The following CCNYL1 variants were observed in gnomAD, a reference collection of about 807,000 sequenced individuals.
The protein encoded by CCNYL1 is cyclin Y like 1.
A neutral mutation model predicts 44.2 loss-of-function variants in CCNYL1; 16 were observed. The observed-to-expected ratio is 0.36, with a 90% confidence interval of 0.25 to 0.55. The LOEUF is 0.55. Among genes scored for constraint, CCNYL1 ranks in the 20% least tolerant of loss-of-function variants. CCNYL1 has a pLI of 0.85. For synonymous variants in CCNYL1, 159 were observed against 163.2 expected, an observed-to-expected ratio of 0.97 and a Z score of 0.20; for missense variants, 348 against 451.8, an observed-to-expected ratio of 0.77 and a Z score of 2.08.
chr2:207,714,934 A>G (rs932148528), intron 1 of CCNYL1: 1 of 152,214 alleles, frequency 6.6e-6, no homozygotes, highest in African/African-American at 2.4e-5. Context: ...ATTTCAGACA[A>G]TTTTATATCA....
chr2:207,746,976 A>AG, intron 7 of CCNYL1, 71 bp from the exon 8 acceptor site: 4 of 207,330 alleles, frequency 1.9e-5, no homozygotes, highest in Non-Finnish European at 3.2e-5. Flanking sequence ...ACTCCGTCTC[A>AG]AAAAAAAAAA....
In CCNYL1 at chr2:207,714,475, A is replaced by G. The variant is rs577868693; in HGVS notation, c.220+2359A>G. ...TCTTGCCTGGCTCCATCTTATGTCT[A>G]TACATTCATTTCAGTGGATAAGAAT... is the stretch of plus-strand genomic sequence containing the variant. On this transcript the variant is annotated intron_variant, in intron 1 of 9. Coordinates refer to ENST00000295414, the MANE Select transcript of CCNYL1 (RefSeq NM_001330218.2). The G allele has an allele frequency of 5.1e-4, 176 of 347,098 alleles. 1 individual carries two copies. The highest frequency in any genetic ancestry group is 3.9e-3 in the South Asian group (174 of 44,644). 21.5% of individuals were successfully genotyped at this position (347,098 alleles called of 1,614,324 possible).
chr2:207,751,598 T>G (rs1009855295), intron 9 of CCNYL1, among the ~76,000 whole-genome samples: 1 of 152,110 alleles, frequency 6.6e-6, no homozygotes, highest in Non-Finnish European at 1.5e-5. Flanking sequence ...CTTACGCCTG[T>G]AAGCCCAGCA....
chr2:207,713,419 T>C (rs970516533), intron 1 of CCNYL1, among the ~76,000 whole-genome samples: 9 of 152,158 alleles, frequency 5.9e-5, no homozygotes, highest in Non-Finnish European at 1.0e-4. Flanking sequence ...AAGATGAGAA[T>C]GTTGGGGTTC....
intron 2 of CCNYL1, among the ~76,000 whole-genome samples, chr2:207,726,364 G>C (rs1039283305): frequency 1.3e-5 from 2 of 152,182 alleles, no homozygotes; most frequent in African/African-American, 4.8e-5. Flanking sequence ...CATACTAGTA[G>C]ATGACCAGTA....
chr2:207,728,712 G>GT (rs2091698972), intron 3 of CCNYL1, among the ~76,000 whole-genome samples: 1 of 152,190 alleles, frequency 6.6e-6, no homozygotes, highest in Admixed American at 6.5e-5. Context: ...CATGTAACCA[G>GT]TTTTTACATG....
At chr2:207,724,770 G>C (rs1233139252) in intron 1 of CCNYL1, 30 bp from the exon 2 acceptor site, 1 of 1,503,042 alleles carries the variant, frequency 6.7e-7, no homozygotes, top group Non-Finnish European at 9.3e-7. Flanking sequence ...CTCACCTAAA[G>C]TGTCACGTCT....
chr2:207,743,410 A>T (rs552132169), intron 7 of CCNYL1, among the ~76,000 whole-genome samples: 2 of 152,200 alleles, frequency 1.3e-5, no homozygotes, highest in Non-Finnish European at 2.9e-5. Context: ...GAGGTAAGGA[A>T]TGAAGAGTTA....
chr2:207,721,734 GT>G (rs59024332), intron 1 of CCNYL1, among the ~76,000 whole-genome samples: 24,531 of 140,988 alleles, frequency 0.17, 2,792 homozygotes, highest in African/African-American at 0.39. Flanking sequence ...GGAGTTTTTT[GT>G]TTTTTTTTTT....
At chr2:207,727,026 A>G in intron 3 of CCNYL1, 150 bp downstream of exon 3, 1 of 512,966 alleles carries the variant, frequency 1.9e-6, no homozygotes, top group Non-Finnish European at 3.4e-6. Context: ...GCTGAGAATC[A>G]GATTTATGCA....
At chr2:207,753,142 C>T (rs894729061) in intron 9 of CCNYL1, among the ~76,000 whole-genome samples, 8 of 152,206 alleles carry the variant, frequency 5.3e-5, no homozygotes, top group Admixed American at 2.0e-4. Flanking sequence ...CAGTATAGTC[C>T]AGCACACACC....
chr2:207,737,330 C>G, intron 4 of CCNYL1, 81 bp from the exon 5 acceptor site: 1 of 1,049,180 alleles, frequency 9.5e-7, no homozygotes, highest in Non-Finnish European at 1.5e-6. Flanking sequence ...GGGTTCCTCC[C>G]TTCCCTCATT....
At chr2:207,715,824 G>A (rs1206767210) in intron 1 of CCNYL1, among the ~76,000 whole-genome samples, 1 of 149,512 alleles carries the variant, frequency 6.7e-6, no homozygotes, top group African/African-American at 2.5e-5. Context: ...TTACAGGTGT[G>A]TGCCACCACG....
rs1047938158 is a variant in CCNYL1 at position 207,750,820 on chromosome 2, A to T, written c.807-137A>T. The T allele has an allele frequency of 2.7e-5, 18 of 678,286 alleles. No homozygotes were observed. In the African/African-American group the frequency reaches 3.1e-4, roughly 12 times the overall value. 42.0% of individuals were successfully genotyped at this position (678,286 alleles called of 1,614,324 possible). ...AACTGTACCTTATGTGAACATTAGT[A>T]TGTTAATACAACTGGGTAGCCTATA... On this transcript the variant is annotated intron_variant, in intron 8 of 9. Transcript: ENST00000295414.
At chr2:207,714,445 T>C in intron 1 of CCNYL1, 1 of 379,526 alleles carries the variant, frequency 2.6e-6, no homozygotes, top group African/African-American at 2.2e-5. Flanking sequence ...CACGGGCGTG[T>C]GCCATCTTGC....
rs2091552624 is a variant in CCNYL1, at chr2:207,712,038, G to A, written c.142G>A (p.Val48Met). ...CGCGGTGGCGGTAGCGCCCGCTGTG[G>A]TGGAGCCTGCCGAGTTGGATTTCGG... ...GDAVAVAPAV[V>M]EPAELDFGEG... The change falls in exon 1 of 10, where the codon GTG becomes ATG. Residue 48 changes from valine to methionine, a missense_variant. By Grantham distance (21) the Val-to-Met change is conservative. This residue lies in a region of CCNYL1 where 209 missense variants were observed against 247.7 expected (regional missense o/e 0.84). Coordinates refer to ENST00000295414, the MANE Select transcript of CCNYL1 (RefSeq NM_001330218.2). 6.5e-7 allele frequency: 1 copy of A among 1,538,724 alleles called. No homozygotes were observed. Among genetic ancestry groups the A allele is most frequent in the African/African-American group, 1.4e-5 (1 of 71,246 alleles).
chr2:207,714,097 A>G (rs775453498), intron 1 of CCNYL1, among the ~76,000 whole-genome samples: 2 of 152,200 alleles, frequency 1.3e-5, no homozygotes, highest in Non-Finnish European at 2.9e-5. Context: ...TAGAATGACT[A>G]TGTAAGACAG....
At chr2:207,744,225 A>ATT (rs753167904) in intron 7 of CCNYL1, among the ~76,000 whole-genome samples, 1 of 134,028 alleles carries the variant, frequency 7.5e-6, no homozygotes, top group Admixed American at 7.0e-5. Flanking sequence ...AGACAGGAAC[A>ATT]TTTTGTGTGT....
At chr2:207,720,439 C>A (rs2091632228) in intron 1 of CCNYL1, among the ~76,000 whole-genome samples, 1 of 149,208 alleles carries the variant, frequency 6.7e-6, no homozygotes, top group African/African-American at 2.5e-5. Context: ...GGTCACAACT[C>A]TGCCTGTCGC....
Sources: allele counts gnomAD v4.1 joint callset (sites outside exome capture counted in the v4.1 genomes callset), GRCh38; gene constraint gnomAD v4.1.1; regional missense constraint gnomAD v4.1.1; transcripts MANE v1.5; gene names NCBI Gene and HGNC (gene_info 2026-07-23, HGNC 2026-07-21).